Variants in CRBN observed in about 807,000 individuals in gnomAD.
CRBN encodes the protein protein cereblon.
CRBN carries 53 observed loss-of-function variants against 62.2 expected under a neutral mutation model. The ratio of observed to expected loss-of-function variants is 0.85; its 90% CI spans 0.68 to 1.07. CRBN has a LOEUF of 1.07. Ranked by LOEUF, CRBN falls within the 50% of genes least tolerant of loss-of-function variation. The probability of loss-of-function intolerance (pLI) is 0.00; values close to 1 mark genes in which losing one functional copy is unlikely to be tolerated. For missense variants in CRBN, 616 were observed against 531.1 expected (o/e 1.16, Z -1.57); for synonymous variants, 208 against 176.1 (o/e 1.18, Z -1.43).
At chr3:3,162,454 T>C (rs921653595) in intron 5 of CRBN, among the ~76,000 whole-genome samples, 5 of 152,082 alleles carry the variant, frequency 3.3e-5, no homozygotes, top group African/African-American at 9.7e-5. Flanking sequence ...GAAATGTCTC[T>C]AGATGGAGTG....
At chr3:3,178,450 A>C (rs113345083) in intron 1 of CRBN, among the ~76,000 whole-genome samples, 34 of 152,056 alleles carry the variant, frequency 2.2e-4, no homozygotes, top group African/African-American at 6.5e-4. Context: ...CACAGGAAAA[A>C]CCCAAACCCA....
chr3:3,160,732 G>T (rs546978775), intron 5 of CRBN, among the ~76,000 whole-genome samples: 48 of 152,230 alleles, frequency 3.2e-4, no homozygotes, highest in Non-Finnish European at 6.0e-4. Flanking sequence ...AAAAAGCAGT[G>T]AGGGGCTTAC....
In CRBN at chr3:3,179,632, G is replaced by C. The variant is rs1343791001; in HGVS notation, c.56C>G (p.Pro19Arg). Residue 19 changes from proline to arginine, a missense_variant, in exon 1 of 11, where the codon CCG (proline) becomes CGG (arginine). Pro to Arg is a moderately radical substitution (Grantham distance 103). Coordinates refer to ENST00000231948, the MANE Select transcript of CRBN (RefSeq NM_016302.4). Reference protein sequence around the residue: ...DAAHNMGNHLPLLPAESEEED... With the variant: ...DAAHNMGNHLRLLPAESEEED... The stretch of plus-strand genomic sequence containing the variant: ...CTCCGGGCGGTTACCAGGCAGGAGC[G>C]GCAGGTGGTTGCCCATGTTGTGCGC... The C allele has an allele frequency of 6.2e-7, 1 of 1,613,394 alleles. No individual in the cohort carries two copies. Among genetic ancestry groups the C allele is most frequent in the Admixed American group, 1.7e-5 (1 of 60,010 alleles).
chr3:3,179,341 C>T lies in CRBN; in HGVS notation c.67+280G>A, dbSNP rs540238011. Among the ~76,000 whole-genome samples the T allele has an allele frequency of 5.3e-5, 8 of 149,878 alleles. No individual in the cohort carries two copies. In the South Asian group the frequency reaches 1.7e-3, roughly 31 times the overall value. On this transcript the variant is annotated intron_variant, in intron 1 of 10. Coordinates refer to ENST00000231948, the MANE Select transcript of CRBN (RefSeq NM_016302.4). ...CAGAGCATTTCCTAGGAGCTAAACT[C>T]AGAACACAAGGAGGATGGAGAGGAT...
intron 2 of CRBN, 28 bp downstream of exon 2, chr3:3,175,135 A>G (rs1307499072): frequency 7.5e-7 from 1 of 1,333,064 alleles, no homozygotes; most frequent in Non-Finnish European, 1.1e-6. Context: ...TATATCTATT[A>G]TATTAGATCT....
rs1044057363 is a variant in CRBN at position 3,152,724 on chromosome 3, C to T, written c.1017-137G>A. The T allele has an allele frequency of 4.4e-5, 46 of 1,046,772 alleles. No homozygotes were observed. In the Admixed American group the frequency reaches 9.4e-4, roughly 21 times the overall value. 64.8% of individuals were successfully genotyped at this position (1,046,772 alleles called of 1,614,324 possible). The stretch of plus-strand genomic sequence containing the variant: ...TTTAATCCTTCAGTTTTATATAATA[C>T]CAGGATCTTAGTATGAAAATGGGGT... On this transcript the variant is annotated intron_variant, in intron 9 of 10. Transcript: ENST00000231948.
intron 5 of CRBN, 100 bp from the exon 6 acceptor site, chr3:3,156,381 A>T: frequency 2.9e-6 from 3 of 1,051,940 alleles, no homozygotes; most frequent in Non-Finnish European, 4.3e-6. Flanking sequence ...CTAGGAAAAC[A>T]TCTAATTTTA....
At chr3:3,166,294 TTC>T (rs1707329152) in intron 5 of CRBN, among the ~76,000 whole-genome samples, 1 of 152,136 alleles carries the variant, frequency 6.6e-6, no homozygotes, top group South Asian at 2.1e-4. Context: ...CCTGTACAAG[TTC>T]TTTTTCCCTG....
chr3:3,173,899 C>T lies in CRBN; in HGVS notation c.377+160G>A, dbSNP rs953646967. The T allele has an allele frequency of 1.9e-5, 13 of 676,300 alleles. No individual in the cohort carries two copies. In the Admixed American group the frequency reaches 2.7e-4, roughly 14 times the overall value. The allele number at this position is 676,300 out of a possible 1,614,324, so 41.9% of individuals were successfully genotyped here. On this transcript the variant is annotated intron_variant, in intron 3 of 10. Coordinates refer to ENST00000231948, the MANE Select transcript of CRBN (RefSeq NM_016302.4). ...AATGAAATGAACAAAAATACTCCAA[C>T]TTGCACTATCAAACTTCTACTTAAC...
At chr3:3,159,128 A>G (rs1707032244) in intron 5 of CRBN, among the ~76,000 whole-genome samples, 1 of 152,176 alleles carries the variant, frequency 6.6e-6, no homozygotes, top group Non-Finnish European at 1.5e-5. Flanking sequence ...GAGTCAAATA[A>G]AACTCTTTTC....
intron 4 of CRBN, among the ~76,000 whole-genome samples, chr3:3,169,771 C>G (rs1559253894): frequency 6.6e-6 from 1 of 152,144 alleles, no homozygotes; most frequent in Admixed American, 6.5e-5. Context: ...AATTATTGGT[C>G]TCAGTCTAGA....
intron 5 of CRBN, among the ~76,000 whole-genome samples, chr3:3,160,220 T>C (rs915503004): frequency 6.6e-6 from 1 of 152,194 alleles, no homozygotes; most frequent in African/African-American, 2.4e-5. Flanking sequence ...TAAGTGAGTC[T>C]TTGAAGTGCA....
chr3:3,170,261 A>G (rs548296753), intron 4 of CRBN, among the ~76,000 whole-genome samples: 12 of 152,366 alleles, frequency 7.9e-5, no homozygotes, highest in African/African-American at 2.6e-4. Context: ...AATTACAGGT[A>G]TGAGTCACCA....
At chr3:3,155,057 G>A (rs901241313) in intron 6 of CRBN, 3 of 559,114 alleles carry the variant, frequency 5.4e-6, no homozygotes, top group Non-Finnish European at 6.4e-6. Context: ...TCTTAACCCA[G>A]CGGTATATGC....
chr3:3,151,127 CTTTAGAGGCAAATTCTAAGGAT>C, intron 10 of CRBN, 82 bp from the exon 11 acceptor site: 1 of 1,413,842 alleles, frequency 7.1e-7, no homozygotes, highest in Non-Finnish European at 9.8e-7. Context: ...TGAAGACAGA[CTTTAGAGGCAAATTCTAAGGAT>C]TAGAGATTCT....
chr3:3,163,351 T>C (rs1197796416), intron 5 of CRBN, among the ~76,000 whole-genome samples: 2 of 152,212 alleles, frequency 1.3e-5, no homozygotes, highest in African/African-American at 4.8e-5. Context: ...CAAGGGCTAA[T>C]TAAGACAAGA....
At chr3:3,158,317 C>T (rs560915193) in intron 5 of CRBN, among the ~76,000 whole-genome samples, 1 of 152,194 alleles carries the variant, frequency 6.6e-6, no homozygotes, top group Non-Finnish European at 1.5e-5. Flanking sequence ...TCACCACTCA[C>T]CACCGGCTGT....
rs1457184681 is a variant in CRBN at position 3,150,759 on chromosome 3, G to GTATT, written c.*102_*105dup. 8.5e-6 allele frequency: 9 copies of GTATT among 1,062,092 alleles called. No homozygotes were observed. The highest frequency in any genetic ancestry group is 1.3e-5 in the Non-Finnish European group (9 of 719,576). The allele number at this position is 1,062,092 out of a possible 1,614,324, so 65.8% of individuals were successfully genotyped here. A position where few individuals can be genotyped will look rare whatever the true frequency, so the allele number is the denominator to read the frequency against. ...TCCAAGTAATGTTATGTTTACTTAG[G>GTATT]TATTAATGTTATGTTTACTTAGGTA... On this transcript the variant is annotated 3_prime_UTR_variant, in exon 11 of 11. Coordinates refer to ENST00000231948, the MANE Select transcript of CRBN (RefSeq NM_016302.4).
chr3:3,156,890 T>A (rs935473044), intron 5 of CRBN: 3 of 152,314 alleles, frequency 2.0e-5, no homozygotes, highest in African/African-American at 7.2e-5. Flanking sequence ...ATGTGAATTG[T>A]AGAAATTTCA....
Sources: gnomAD v4.1 joint callset for allele counts (sites outside exome capture counted in the v4.1 genomes callset) on GRCh38, gnomAD v4.1.1 for gene constraint, MANE v1.5 for transcripts, NCBI Gene and HGNC (gene_info 2026-07-23, HGNC 2026-07-21) for gene names.